RBFOX1: variants seen among roughly 807,000 people sequenced by gnomAD.
The protein encoded by RBFOX1 is RNA binding protein fox-1 homolog 1.
Under a neutral mutation model 57.7 loss-of-function variants are expected in RBFOX1, and 8 were observed. The ratio of observed to expected loss-of-function variants is 0.14; its 90% CI spans 0.08 to 0.25. The LOEUF (loss-of-function observed/expected upper bound fraction) is 0.25, where lower values mean the gene tolerates loss of function less well. Among genes scored for constraint, RBFOX1 ranks in the 10% least tolerant of loss-of-function variants. RBFOX1 has a pLI of 1.00. For missense variants in RBFOX1, 611 were observed against 548.5 expected (o/e 1.11, Z -1.14); for synonymous variants, 326 against 222.4 (o/e 1.47, Z -4.15).
chr16:7,487,026 A>C (rs1031565291), intron 4 of RBFOX1, among the ~76,000 whole-genome samples: 1 of 152,094 alleles, frequency 6.6e-6, no homozygotes, highest in South Asian at 2.1e-4. Context: ...CAGCCTCCCG[A>C]GTAGCTGAGC....
rs1295156911 is a variant in RBFOX1, at chr16:6,726,782, CT to C, written c.-16+72133del. Among the ~76,000 whole-genome samples the C allele has an allele frequency of 3.3e-5, 5 of 152,128 alleles. 1 individual carries two copies. The East Asian group carries it at 9.7e-4, about 29-fold the overall frequency. ...TGAATATCATTAACTTACGTAATTG[CT>C]ATGTTCCCTACCAGGGTACCTAATA... On this transcript the variant is annotated intron_variant, in intron 3 of 15. Transcript: ENST00000550418.
chr16:7,012,675 A>G (rs1459457758), intron 3 of RBFOX1, among the ~76,000 whole-genome samples: 1 of 152,230 alleles, frequency 6.6e-6, no homozygotes, highest in Non-Finnish European at 1.5e-5. Context: ...AATTAATTTT[A>G]AGCTGACTTT....
chr16:5,392,774 A>G (rs2066448849), intron 1 of RBFOX1, among the ~76,000 whole-genome samples: 1 of 152,116 alleles, frequency 6.6e-6, no homozygotes, highest in Non-Finnish European at 1.5e-5. Context: ...GCCCTCTGCC[A>G]TCCCTGGGTC....
chr16:5,722,642 C>T (rs2051978454), intron 3 of RBFOX1, among the ~76,000 whole-genome samples: 1 of 152,174 alleles, frequency 6.6e-6, no homozygotes, highest in East Asian at 1.9e-4. Flanking sequence ...TGTGAGTCTG[C>T]ATCTGAAGTA....
At chr16:7,252,379 A>C (rs958900887) in intron 4 of RBFOX1, among the ~76,000 whole-genome samples, 44 of 152,260 alleles carry the variant, frequency 2.9e-4, no homozygotes, top group Admixed American at 1.0e-3. Context: ...AGTAAAGGTT[A>C]CACATCTGGC....
intron 2 of RBFOX1, among the ~76,000 whole-genome samples, chr16:5,545,970 G>C (rs536745479): frequency 6.6e-6 from 1 of 152,032 alleles, no homozygotes; most frequent in African/African-American, 2.4e-5. Flanking sequence ...TATGAATTTA[G>C]TGAGATTATA....
At position 6,807,193 on chromosome 16, in the gene RBFOX1, C is replaced by T. The variant is rs577309403; in HGVS notation, c.-16+152543C>T. Reference sequence around the variant, plus strand: ...TGTGAGAAACAGATTGGAGATTGGACAGGGAGACCAGTTAGGAGTCTGTTC... The same window carrying T: ...TGTGAGAAACAGATTGGAGATTGGATAGGGAGACCAGTTAGGAGTCTGTTC... On this transcript the variant is annotated intron_variant, in intron 3 of 15. Transcript: ENST00000550418. Among the ~76,000 whole-genome samples, 6 of 152,022 alleles carry T rather than the reference C, an allele frequency of 3.9e-5. No homozygotes were observed. The East Asian group carries it at 7.7e-4, about 20-fold the overall frequency.
intron 2 of RBFOX1, among the ~76,000 whole-genome samples, chr16:6,523,370 C>T (rs955179321): frequency 6.6e-6 from 1 of 152,082 alleles, no homozygotes; most frequent in Non-Finnish European, 1.5e-5. Flanking sequence ...GGCTGAGGGG[C>T]ATCGGAAGCT....
intron 1 of RBFOX1, among the ~76,000 whole-genome samples, chr16:5,448,309 C>T (rs1013045408): frequency 2.0e-5 from 3 of 152,092 alleles, no homozygotes; most frequent in African/African-American, 7.2e-5. Flanking sequence ...ACTTACCTCC[C>T]AGCTGGGTCA....
At chr16:5,989,589 C>G (rs1437968080) in intron 4 of RBFOX1, among the ~76,000 whole-genome samples, 1 of 152,036 alleles carries the variant, frequency 6.6e-6, no homozygotes, top group Non-Finnish European at 1.5e-5. Context: ...AGAATGGGTG[C>G]TGGCGATGTG....
Position 6,252,939 on chromosome 16 carries a change from C to CAGGT in RBFOX1, c.-126-64054_-126-64051dup, listed in dbSNP as rs377615384. ...AATGTATTGTGTGCTTACCATGTGACAGGTAATATGCTAGACTACTTAGTG... is the reference window on the plus strand; with the variant it reads ...AATGTATTGTGTGCTTACCATGTGACAGGTAGGTAATATGCTAGACTACTTAGTG... On this transcript the variant is annotated intron_variant, in intron 1 of 15. Coordinates refer to ENST00000550418, the MANE Select transcript of RBFOX1 (RefSeq NM_018723.4). 5.2e-3 allele frequency among the ~76,000 whole-genome samples: 790 copies of CAGGT among 152,236 alleles called. 7 individuals carry two copies. The highest frequency in any genetic ancestry group is 0.018 in the African/African-American group (740 of 41,552).
chr16:5,420,045 C>T (rs1239312803), intron 1 of RBFOX1, among the ~76,000 whole-genome samples: 1 of 152,134 alleles, frequency 6.6e-6, no homozygotes, highest in African/African-American at 2.4e-5. Context: ...ACTGAGTCCC[C>T]TGCCCATATA....
At chr16:6,796,657 A>G (rs2084126749) in intron 3 of RBFOX1, among the ~76,000 whole-genome samples, 1 of 152,104 alleles carries the variant, frequency 6.6e-6, no homozygotes, top group African/African-American at 2.4e-5. Context: ...TTCTCTTGTA[A>G]TTCTTAAATA....
chr16:5,715,711 C>T (rs1467252565), intron 3 of RBFOX1, among the ~76,000 whole-genome samples: 1 of 152,164 alleles, frequency 6.6e-6, no homozygotes, highest in African/African-American at 2.4e-5. Flanking sequence ...AAGCAATGTG[C>T]TGAGGTTGGG....
chr16:7,118,098 G>C (rs987131144), intron 4 of RBFOX1, among the ~76,000 whole-genome samples: 4 of 152,144 alleles, frequency 2.6e-5, no homozygotes, highest in African/African-American at 9.7e-5. Context: ...ATAACCAGTA[G>C]TGGGATTAAC....
intron 4 of RBFOX1, chr16:7,510,312 G>A: frequency 3.0e-6 from 3 of 985,854 alleles, no homozygotes; most frequent in Non-Finnish European, 3.6e-6. Context: ...TGGTGCAGCA[G>A]GTATTTTTGT....
At chr16:7,300,075 T>C (rs1398937007) in intron 4 of RBFOX1, among the ~76,000 whole-genome samples, 1 of 152,172 alleles carries the variant, frequency 6.6e-6, no homozygotes, top group Non-Finnish European at 1.5e-5. Flanking sequence ...GTGTAGTTTT[T>C]AGGTAGATTT....
chr16:6,412,604 T>C (rs1044852984), intron 2 of RBFOX1, among the ~76,000 whole-genome samples: 1 of 152,240 alleles, frequency 6.6e-6, no homozygotes, highest in Non-Finnish European at 1.5e-5. Flanking sequence ...CATTTTACAT[T>C]GAGGCAGCAT....
At chr16:5,409,042 C>T in intron 1 of RBFOX1, among the ~76,000 whole-genome samples, 1 of 152,150 alleles carries the variant, frequency 6.6e-6, no homozygotes, top group East Asian at 1.9e-4. Flanking sequence ...CTATCTCACG[C>T]TGTTGGAATT....
Sources: allele counts gnomAD v4.1 joint callset (sites outside exome capture counted in the v4.1 genomes callset), GRCh38; gene constraint gnomAD v4.1.1; transcripts MANE v1.5; gene names NCBI Gene and HGNC (gene_info 2026-07-23, HGNC 2026-07-21).